The following SBF1 variants were observed in gnomAD, a reference collection of about 807,000 sequenced individuals.
SBF1 encodes SET binding factor 1, also known as myotubularin-related protein 5.
SBF1 carries 65 observed loss-of-function variants against 215.8 expected under a neutral mutation model. The observed-to-expected ratio is 0.30, with a 90% CI of 0.25 to 0.37. The LOEUF (loss-of-function observed/expected upper bound fraction) is 0.37. Ranked by LOEUF, SBF1 falls within the 10% of genes least tolerant of loss-of-function variation. The pLI is 1.00. For synonymous variants in SBF1, 1,410 were observed against 1,122.8 expected, an observed-to-expected ratio of 1.26 and a Z score of -5.11; for missense variants, 2,634 against 2,667.8, an observed-to-expected ratio of 0.99 and a Z score of 0.28.
In SBF1 at chr22:50,448,584, C is replaced by T. The variant is rs760339634; in HGVS notation, c.5110G>A (p.Val1704Met). 99 of 1,612,168 alleles carry T rather than the reference C, an allele frequency of 6.1e-5. 1 individual carries two copies. The Admixed American group carries it at 1.6e-3, about 26-fold the overall frequency. The change falls in exon 37 of 41, where the codon GTG (valine) becomes ATG (methionine). Residue 1704 changes from valine to methionine, a missense_variant. By Grantham distance (21) the Val-to-Met change is conservative. Transcript: ENST00000380817. ...CCCTCGAGGCGCTGTGCAGCCTTCACCCGGTCCCAGGTGTCCTTCCAGCGC... is the reference window on the plus strand; with the variant it reads ...CCCTCGAGGCGCTGTGCAGCCTTCATCCGGTCCCAGGTGTCCTTCCAGCGC... ...AERWKDTWDRVKAAQRLEGRP... is the reference protein window; with the variant it reads ...AERWKDTWDRMKAAQRLEGRP...
At chr22:50,464,942 G>A (rs536569876) in intron 12 of SBF1, 25 bp from the exon 13 acceptor site, 4 of 1,613,768 alleles carry the variant, frequency 2.5e-6, no homozygotes, top group Admixed American at 1.7e-5. Flanking sequence ...AGGAGGTTAG[G>A]TAAGCCATGG....
At position 50,461,151 on chromosome 22, in the gene SBF1, C is replaced by T. The variant is rs374708421; in HGVS notation, c.2967+8G>A. Reference sequence around the variant, plus strand: ...GGATGAGAGCCCCACCCGCGCACCGCGCCCCACCTGGAATGTGCAGGAGCG... The same window carrying T: ...GGATGAGAGCCCCACCCGCGCACCGTGCCCCACCTGGAATGTGCAGGAGCG... On this transcript the variant is annotated splice_region_variant and intron_variant, in intron 23 of 40. Coordinates refer to ENST00000380817, the MANE Select transcript of SBF1 (RefSeq NM_002972.4). The T allele has an allele frequency of 5.6e-4, 887 of 1,589,930 alleles. 1 individual carries two copies. Among genetic ancestry groups the T allele is most frequent in the Non-Finnish European group, 7.2e-4 (844 of 1,165,644 alleles).
At chr22:50,461,059 G>A (rs915402935) in intron 23 of SBF1, 100 bp downstream of exon 23, 3 of 1,437,994 alleles carry the variant, frequency 2.1e-6, no homozygotes, top group South Asian at 1.4e-5. Flanking sequence ...CAGGGCCACT[G>A]CTGGAGACTG....
At position 50,448,664 on chromosome 22, in the gene SBF1, T is replaced by C; in HGVS notation, c.5044-14A>G. ...CCTCTGCAGCTCCTGGGGGAAGAAT[T>C]AATGGCAAGTTTATTCAAAAGGAAA... On this transcript the variant is annotated splice_polypyrimidine_tract_variant and intron_variant, in intron 36 of 40. Coordinates refer to ENST00000380817, the MANE Select transcript of SBF1 (RefSeq NM_002972.4). 1.3e-6 allele frequency: 2 copies of C among 1,584,498 alleles called. No individual in the cohort carries two copies. Among genetic ancestry groups the C allele is most frequent in the Non-Finnish European group, 1.7e-6 (2 of 1,158,746 alleles).
Position 50,456,507 on chromosome 22 carries a change from G to C in SBF1, c.4071C>G (p.Asp1357Glu). 7.1e-7 allele frequency: 1 copy of C among 1,415,734 alleles called. No homozygotes were observed. 87.7% of individuals were successfully genotyped at this position (1,415,734 alleles called of 1,614,324 possible). A position where few individuals can be genotyped will look rare whatever the true frequency, so the allele number is the denominator to read the frequency against. ...PQRAALYILG[D>E]KAQLKGVRSD... is the part of the protein sequence containing the mutation. Reference sequence around the variant, plus strand: ...CCCCAGTCACCTTGAGCTGGGCTTTGTCCCCAAGGATATAGAGGGCTGCTC... The same window carrying C: ...CCCCAGTCACCTTGAGCTGGGCTTTCTCCCCAAGGATATAGAGGGCTGCTC... Residue 1357 changes from aspartate to glutamate, a missense_variant, in exon 30 of 41, where the codon GAC (aspartate) becomes GAG (glutamate). Coordinates refer to ENST00000380817, the MANE Select transcript of SBF1 (RefSeq NM_002972.4).
At chr22:50,459,833 C>T (rs2067425899) in intron 26 of SBF1, 119 bp downstream of exon 26, 2 of 1,389,458 alleles carry the variant, frequency 1.4e-6, no homozygotes, top group East Asian at 2.3e-5. Context: ...GTCCCTCTGC[C>T]CGGAGTCTCC....
rs778850671 is a variant in SBF1 at position 50,469,205 on chromosome 22, G to A, written c.56-744C>T. Among the ~76,000 whole-genome samples, 56 of 152,340 alleles carry A rather than the reference G, an allele frequency of 3.7e-4. 1 individual carries two copies. Among genetic ancestry groups the A allele is most frequent in the Admixed American group, 5.2e-4 (8 of 15,302 alleles). On this transcript the variant is annotated intron_variant, in intron 1 of 40. Transcript: ENST00000380817. ...GGACCCCAGCAGCTCTCAGAGGAGA[G>A]TGGGACGGTGGTCACACCCAGGCCT...
chr22:50,460,605 C>T lies in SBF1; in HGVS notation c.3075G>A (p.Ala1025=), dbSNP rs545148226. 4.7e-5 allele frequency: 76 copies of T among 1,614,084 alleles called. No individual in the cohort carries two copies. Among genetic ancestry groups the T allele is most frequent in the African/African-American group, 4.1e-4 (31 of 75,060 alleles). Residue 1025 remains alanine (A), a synonymous_variant, in exon 24 of 41, where the codon GCG becomes GCA. Coordinates refer to ENST00000380817, the MANE Select transcript of SBF1 (RefSeq NM_002972.4). The part of the protein sequence containing the change: ...RYPPDIRATF[A]FTLGSAHTPG... ...GTGTGTGGGCAGAGCCCAAGGTGAA[C>T]GCAAAGGTGGCCCTGATGTCCGGCG...
rs1351172168 is a variant in SBF1 at position 50,466,373 on chromosome 22, T to C, written c.765A>G (p.Ala255=). The change falls in exon 7 of 41, where the codon GCA becomes GCG. Residue 255 remains alanine (A), a synonymous_variant. Transcript: ENST00000380817. ...RLADACRGLL[A]LLFPLRYSFT... is the part of the protein sequence containing the mutation. ...ACCTGTATCTGAGAGGAAACAGCAG[T>C]GCCAGGAGGCCCCTACAGGCATCGG... is the stretch of plus-strand genomic sequence containing the variant. The C allele has an allele frequency of 2.6e-6, 4 of 1,559,670 alleles. No individual in the cohort carries two copies. The South Asian group carries it at 4.7e-5, about 18-fold the overall frequency.
In SBF1 at chr22:50,467,560, G is replaced by A. The variant is rs1307179149; in HGVS notation, c.410C>T (p.Ser137Leu). The change falls in exon 4 of 41, where the codon TCG (serine) becomes TTG (leucine). Residue 137 changes from serine (S) to leucine (L), a missense_variant. Transcript: ENST00000380817. ...GAACACCTCCGTGTGGTCGAGTCGC[G>A]ACACCAGTACCAGCGTCTTCGGTGC... Reference protein sequence around the residue: ...LFAPKTLVLVSRLDHTEVFRN... With the variant: ...LFAPKTLVLVLRLDHTEVFRN... The A allele has an allele frequency of 7.4e-6, 12 of 1,614,150 alleles. No individual in the cohort carries two copies. The highest frequency in any genetic ancestry group is 4.4e-5 in the South Asian group (4 of 91,078).
At chr22:50,465,936 C>G in intron 9 of SBF1, 25 bp downstream of exon 9, 1 of 1,611,958 alleles carries the variant, frequency 6.2e-7, no homozygotes, top group Non-Finnish European at 8.5e-7. Flanking sequence ...CCCCAAGGCT[C>G]CCGCTTGCCC....
chr22:50,474,499 C>T (rs2068104325), intron 1 of SBF1, among the ~76,000 whole-genome samples: 1 of 152,184 alleles, frequency 6.6e-6, no homozygotes, highest in African/African-American at 2.4e-5. Context: ...GGCCACGCCG[C>T]CCCCAGCGGA....
chr22:50,462,001 T>C lies in SBF1; in HGVS notation c.2515A>G (p.Thr839Ala), dbSNP rs1366128535. The C allele has an allele frequency of 1.9e-6, 3 of 1,614,228 alleles. No individual in the cohort carries two copies. Among genetic ancestry groups the C allele is most frequent in the South Asian group, 1.1e-5 (1 of 91,088 alleles). ...TGGTCGCTGGTGACCCCACTCTCCG[T>C]GCAGACCTTGTCCACAAAGCGGTTG... ...FINRFVDKVC[T>A]ESGVTSDHLK... Residue 839 changes from threonine (T) to alanine (A), a missense_variant, in exon 20 of 41, where the codon ACG becomes GCG. Thr to Ala is a moderately conservative substitution (Grantham distance 58, BLOSUM62 0). Transcript: ENST00000380817.
chr22:50,471,016 A>G (rs2148613416), intron 1 of SBF1, among the ~76,000 whole-genome samples: 1 of 152,228 alleles, frequency 6.6e-6, no homozygotes, highest in Middle Eastern at 3.4e-3. Flanking sequence ...TCCCCCACCC[A>G]CTGAAGCTCT....
intron 26 of SBF1, 125 bp downstream of exon 26, chr22:50,459,827 C>T: frequency 7.3e-7 from 1 of 1,373,050 alleles, no homozygotes; most frequent in Non-Finnish European, 1.0e-6. Context: ...TGGCCCGTCC[C>T]TCTGCCCGGA....
rs894380166 is a variant in SBF1 at position 50,461,415 on chromosome 22, C to T, written c.2839+108G>A. The stretch of plus-strand genomic sequence containing the variant: ...GGAGCAGACAAAGGCCCGTTTCCCA[C>T]GGGCACCCAGAACCCCCGAGAAAAG... On this transcript the variant is annotated intron_variant, in intron 22 of 40. Transcript: ENST00000380817. The T allele has an allele frequency of 1.9e-4, 283 of 1,491,294 alleles. 1 individual carries two copies. The highest frequency in any genetic ancestry group is 2.5e-4 in the Non-Finnish European group (274 of 1,117,718). The allele number at this position is 1,491,294 out of a possible 1,614,324, so 92.4% of individuals were successfully genotyped here. A position where few individuals can be genotyped will look rare whatever the true frequency, so the allele number is the denominator to read the frequency against.
At chr22:50,454,187 A>T (rs1310306462) in intron 36 of SBF1, among the ~76,000 whole-genome samples, 1 of 152,158 alleles carries the variant, frequency 6.6e-6, no homozygotes, top group African/African-American at 2.4e-5. Flanking sequence ...TGACTCCTCA[A>T]CAGGTGCCTG....
chr22:50,459,476 A>G lies in SBF1; in HGVS notation c.3682T>C (p.Ser1228Pro), dbSNP rs2067407657. ...GGCAGGACGCAGGAGGTACCTGGAG[A>G]AGGTGCGTTCTGGGCCTTGAAGAGG... ...VGLFKAQNAPSPGQSQADSSS... is the reference protein window; with the variant it reads ...VGLFKAQNAPPPGQSQADSSS... The change falls in exon 27 of 41, where the codon TCT becomes CCT. Residue 1228 changes from serine (S) to proline (P), a missense_variant. Physicochemically the swap from Ser to Pro is moderately conservative, Grantham distance 74. Coordinates refer to ENST00000380817, the MANE Select transcript of SBF1 (RefSeq NM_002972.4). 1 of 1,610,500 alleles carries G rather than the reference A, an allele frequency of 6.2e-7. No individual in the cohort carries two copies. The highest frequency in any genetic ancestry group is 1.7e-5 in the Admixed American group (1 of 59,942).
At chr22:50,468,583 A>T in intron 1 of SBF1, 122 bp from the exon 2 acceptor site, 4 of 654,694 alleles carry the variant, frequency 6.1e-6, no homozygotes, top group Non-Finnish European at 1.0e-5. Flanking sequence ...GATCAGCCAC[A>T]GCTCCCTAAA....
Sources: allele counts gnomAD v4.1 joint callset (sites outside exome capture counted in the v4.1 genomes callset), GRCh38; gene constraint gnomAD v4.1.1; transcripts MANE v1.5; gene names NCBI Gene and HGNC (gene_info 2026-07-23, HGNC 2026-07-21).